Variants in CYTH3 observed in about 807,000 individuals in gnomAD.
The protein encoded by CYTH3 is cytohesin 3, also known as cytohesin-3.
Under a neutral mutation model 55.1 loss-of-function variants are expected in CYTH3, and 23 were observed. The observed-to-expected ratio is 0.42, with a 90% confidence interval of 0.30 to 0.59. CYTH3 has a LOEUF of 0.59. CYTH3 is among the 20% of genes least tolerant of loss of function. CYTH3 has a pLI of 0.20. For synonymous variants in CYTH3, 249 were observed against 194.9 expected, an observed-to-expected ratio of 1.28 and a Z score of -2.31; for missense variants, 413 against 524.8, an observed-to-expected ratio of 0.79 and a Z score of 2.08.
chr7:6,188,356 C>A (rs78537301), intron 2 of CYTH3, among the ~76,000 whole-genome samples: 3,376 of 137,466 alleles, frequency 0.025, 119 homozygotes, highest in African/African-American at 0.083. Flanking sequence ...AACAAAAAAA[C>A]AAAAAAAAAA....
At chr7:6,234,940 G>A (rs1188576292) in intron 1 of CYTH3, among the ~76,000 whole-genome samples, 1 of 152,192 alleles carries the variant, frequency 6.6e-6, no homozygotes, top group African/African-American at 2.4e-5. Context: ...TTCTTCCCCA[G>A]CTACTCAGCA....
At chr7:6,201,604 G>A (rs1583779841) in intron 1 of CYTH3, among the ~76,000 whole-genome samples, 1 of 152,170 alleles carries the variant, frequency 6.6e-6, no homozygotes, top group South Asian at 2.1e-4. Context: ...AGAAAATGAT[G>A]AGCACTGGTT....
intron 1 of CYTH3, among the ~76,000 whole-genome samples, chr7:6,219,018 A>T (rs1048077712): frequency 6.6e-6 from 1 of 150,774 alleles, no homozygotes; most frequent in East Asian, 1.9e-4. Context: ...AAAAAAAAAA[A>T]AAAAAAAAAC....
chr7:6,253,201 G>C (rs1385060878), intron 1 of CYTH3, among the ~76,000 whole-genome samples: 1 of 150,350 alleles, frequency 6.7e-6, no homozygotes, highest in Non-Finnish European at 1.5e-5. Context: ...TCTTCAAAAA[G>C]GTGTCACGAA....
intron 1 of CYTH3, among the ~76,000 whole-genome samples, chr7:6,227,595 C>A (rs189720826): frequency 6.0e-4 from 91 of 152,280 alleles, no homozygotes; most frequent in Non-Finnish European, 8.5e-4. Context: ...CTATCAGGGC[C>A]CTTACTCTAC....
Position 6,165,587 on chromosome 7 carries a change from C to T in CYTH3, c.930G>A (p.Leu310=). ...CCACCTCCCTGATGCTGAGGTTTTC[C>T]AACGGGATGATTCCCCTGGGCTCCT... ...TDKEPRGIIP[L]ENLSIREVED... Residue 310 remains leucine (L), a synonymous_variant, in exon 11 of 13, where the codon TTG becomes TTA. Coordinates refer to ENST00000350796, the MANE Select transcript of CYTH3 (RefSeq NM_004227.4). 6.2e-7 allele frequency: 1 copy of T among 1,614,074 alleles called. No homozygotes were observed. The highest frequency in any genetic ancestry group is 8.5e-7 in the Non-Finnish European group (1 of 1,179,970).
At chr7:6,244,843 C>T (rs1252125601) in intron 1 of CYTH3, among the ~76,000 whole-genome samples, 4 of 151,124 alleles carry the variant, frequency 2.6e-5, no homozygotes, top group South Asian at 2.1e-4. Context: ...GGCTGGAGTG[C>T]GGTGGTGCAA....
chr7:6,255,927 C>T (rs975216344), intron 1 of CYTH3, among the ~76,000 whole-genome samples: 1 of 151,902 alleles, frequency 6.6e-6, no homozygotes, highest in African/African-American at 2.4e-5. Flanking sequence ...CTACGCCCAG[C>T]TAATTTTTTG....
chr7:6,261,715 A>AG (rs1780359273), intron 1 of CYTH3, among the ~76,000 whole-genome samples: 1 of 148,318 alleles, frequency 6.7e-6, no homozygotes, highest in Admixed American at 6.7e-5. Context: ...AAAAAAAAAA[A>AG]GGGCAAAGTG....
intron 1 of CYTH3, among the ~76,000 whole-genome samples, chr7:6,240,693 A>G (rs543709945): frequency 1.3e-4 from 20 of 152,362 alleles, no homozygotes; most frequent in African/African-American, 4.6e-4. Flanking sequence ...ACTCCAAACA[A>G]TTCAAAGATT....
rs1359007741 is a variant in CYTH3 at position 6,164,736 on chromosome 7, C to G, written c.*208G>C. 1.5e-6 allele frequency: 1 copy of G among 655,212 alleles called. No homozygotes were observed. The highest frequency in any genetic ancestry group is 2.7e-6 in the Non-Finnish European group (1 of 368,256). 40.6% of individuals were successfully genotyped at this position (655,212 alleles called of 1,614,324 possible). A position where few individuals can be genotyped will look rare whatever the true frequency, so the allele number is the denominator to read the frequency against. On this transcript the variant is annotated 3_prime_UTR_variant, in exon 13 of 13. Coordinates refer to ENST00000350796, the MANE Select transcript of CYTH3 (RefSeq NM_004227.4). ...GTCTGGGCCACGGTACGCTCTGGAGCAGCAGCTTGCACTGCAGGGCGACCA... is the reference window on the plus strand; with the variant it reads ...GTCTGGGCCACGGTACGCTCTGGAGGAGCAGCTTGCACTGCAGGGCGACCA...
At chr7:6,270,713 C>T (rs1780628091) in intron 1 of CYTH3, among the ~76,000 whole-genome samples, 2 of 152,112 alleles carry the variant, frequency 1.3e-5, no homozygotes, top group Non-Finnish European at 1.5e-5. Context: ...CATCTTTATA[C>T]GTGAGGGGTT....
At chr7:6,272,410 G>GGGGGGGGGGGGCCCCCCCCCCC in intron 1 of CYTH3, 64 bp downstream of exon 1, 1 of 1,216,616 alleles carries the variant, frequency 8.2e-7, no homozygotes, top group Non-Finnish European at 1.1e-6. Context: ...CCGCGCCCTC[G>GGGGGGGGGGGGCCCCCCCCCCC]ACCCCCAGCC....
In CYTH3 at chr7:6,175,545, C is replaced by CTTTTT. The variant is rs1177188782; in HGVS notation, c.369-1817_369-1813dup. On this transcript the variant is annotated intron_variant, in intron 5 of 12. Transcript: ENST00000350796. ...CAATGTCTTGACTATACACTTTAGT[C>CTTTTT]TTTTTTTTTTTTTTTTTTTTTTGAG... Among the ~76,000 whole-genome samples, 41 of 89,012 alleles carry CTTTTT rather than the reference C, an allele frequency of 4.6e-4. 1 individual carries two copies. Among genetic ancestry groups the CTTTTT allele is most frequent in the East Asian group, 1.7e-3 (4 of 2,358 alleles). The allele number at this position is 89,012 out of a possible 152,430, so 58.4% of individuals were successfully genotyped here. A position where few individuals can be genotyped will look rare whatever the true frequency, so the allele number is the denominator to read the frequency against.
At chr7:6,243,648 AT>A (rs1205860932) in intron 1 of CYTH3, among the ~76,000 whole-genome samples, 4 of 152,226 alleles carry the variant, frequency 2.6e-5, no homozygotes, top group Admixed American at 6.5e-5. Flanking sequence ...TCTGCGTATA[AT>A]TAAATTACAG....
chr7:6,233,230 AGT>A (rs1779432181), intron 1 of CYTH3, among the ~76,000 whole-genome samples: 2 of 152,156 alleles, frequency 1.3e-5, no homozygotes, highest in African/African-American at 4.8e-5. Flanking sequence ...CAGATATATC[AGT>A]GTGTCCAAAA....
chr7:6,192,648 C>CA, intron 1 of CYTH3, among the ~76,000 whole-genome samples: 1 of 150,570 alleles, frequency 6.6e-6, no homozygotes, highest in East Asian at 2.0e-4. Context: ...TCTCCTGCCT[C>CA]AGCCTCCCGA....
At chr7:6,185,413 G>C (rs60369116) in intron 4 of CYTH3, among the ~76,000 whole-genome samples, 6,034 of 151,208 alleles carry the variant, frequency 0.04, 221 homozygotes, top group African/African-American at 0.091. Context: ...TGGTGAAACT[G>C]GGCCGGGTGC....
chr7:6,179,903 C>CACACA (rs1241734390), intron 4 of CYTH3, among the ~76,000 whole-genome samples: 11 of 142,026 alleles, frequency 7.7e-5, no homozygotes, highest in African/African-American at 2.6e-4. Context: ...CACCCACACA[C>CACACA]AACCACACAC....
Sources: allele counts gnomAD v4.1 joint callset (sites outside exome capture counted in the v4.1 genomes callset), GRCh38; gene constraint gnomAD v4.1.1; transcripts MANE v1.5; gene names NCBI Gene and HGNC (gene_info 2026-07-23, HGNC 2026-07-21).